Variants in WNK3 observed in about 807,000 individuals in gnomAD.
WNK3 encodes the protein WNK lysine deficient protein kinase 3.
In WNK3, 18 loss-of-function variants were observed where a neutral mutation model predicts 116.7. That is an observed-to-expected ratio of 0.15 (90% CI 0.11 to 0.23). WNK3 has a LOEUF of 0.23. Among genes scored for constraint, WNK3 ranks in the 10% least tolerant of loss-of-function variants. WNK3 has a pLI of 1.00. For synonymous variants in WNK3, 404 were observed against 469.4 expected, an observed-to-expected ratio of 0.86 and a Z score of 1.80; for missense variants, 993 against 1,323.8, an observed-to-expected ratio of 0.75 and a Z score of 3.88.
At chrX:54,234,119 A>G (rs781825451) in intron 20 of WNK3, among the ~76,000 whole-genome samples, 2 of 112,030 alleles carry the variant, frequency 1.8e-5, no homozygotes, top group Non-Finnish European at 3.8e-5. Context: ...CATGCCTATA[A>G]TCCCAGCACT....
chrX:54,276,349 AAAC>A (rs2068447203), intron 10 of WNK3, among the ~76,000 whole-genome samples: 2 of 108,319 alleles, frequency 1.8e-5, no homozygotes, highest in African/African-American at 3.5e-5. Context: ...ACAAACAAAC[AAAC>A]AAAAAAAAAC....
chrX:54,355,967 C>T (rs1395084094), intron 1 of WNK3, among the ~76,000 whole-genome samples: 2 of 111,251 alleles, frequency 1.8e-5, no homozygotes, highest in South Asian at 3.8e-4. Context: ...ATTCAAACTG[C>T]GGGTAGCCTA....
chrX:54,237,454 G>T, exon 20 of WNK3: 1 of 1,205,377 alleles, frequency 8.3e-7, no homozygotes, highest in Non-Finnish European at 1.1e-6. Flanking sequence ...TTTAATAAAG[G>T]CTTCTTCACT....
intron 22 of WNK3, among the ~76,000 whole-genome samples, chrX:54,212,904 G>C (rs888557210): frequency 9.0e-6 from 1 of 111,420 alleles, no homozygotes; most frequent in Non-Finnish European, 1.9e-5. Flanking sequence ...GTATATATAT[G>C]TTAGTATACA....
At chrX:54,213,903 C>T (rs1191225770) in intron 22 of WNK3, among the ~76,000 whole-genome samples, 7 of 110,795 alleles carry the variant, frequency 6.3e-5, no homozygotes, top group African/African-American at 2.0e-4. Context: ...CACAAACTAC[C>T]GAAACTCACC....
In WNK3 at chrX:54,308,090, ACAC is replaced by A. The variant is rs1361167588; in HGVS notation, c.932-14_932-12del. On this transcript the variant is annotated splice_polypyrimidine_tract_variant and intron_variant, in intron 4 of 23. Transcript: ENST00000354646. ...TAAACTCAGGAGTTCCTACAAAATAACACCACCACCACATTCTTATAGAAGAGA... is the reference window on the plus strand; with the variant it reads ...TAAACTCAGGAGTTCCTACAAAATAACACCACCACATTCTTATAGAAGAGA... 1 of 1,173,704 alleles carries A rather than the reference ACAC, an allele frequency of 8.5e-7. No individual in the cohort carries two copies. Among genetic ancestry groups the A allele is most frequent in the Non-Finnish European group, 1.1e-6 (1 of 873,200 alleles).
intron 1 of WNK3, among the ~76,000 whole-genome samples, chrX:54,356,616 C>A (rs2069597447): frequency 8.9e-6 from 1 of 111,764 alleles, no homozygotes; most frequent in Non-Finnish European, 1.9e-5. Context: ...CATACTAAGA[C>A]CTCTTCAAAA....
At chrX:54,334,714 C>T (rs2069212033) in intron 1 of WNK3, among the ~76,000 whole-genome samples, 1 of 111,954 alleles carries the variant, frequency 8.9e-6, no homozygotes, top group African/African-American at 3.2e-5. Context: ...ATAAGCTTGC[C>T]TTCAGATTTT....
At chrX:54,297,501 C>T (rs1288011557) in intron 7 of WNK3, among the ~76,000 whole-genome samples, 1 of 107,017 alleles carries the variant, frequency 9.3e-6, no homozygotes, top group African/African-American at 3.4e-5. Context: ...CGCTTGAACT[C>T]GGGAGGCAGA....
chrX:54,344,233 G>A (rs2069373110), intron 1 of WNK3, among the ~76,000 whole-genome samples: 1 of 111,481 alleles, frequency 9.0e-6, no homozygotes, highest in Non-Finnish European at 1.9e-5. Flanking sequence ...CACGAGGTCA[G>A]GAGATCGAGA....
chrX:54,271,756 A>G (rs1322508528), intron 10 of WNK3, among the ~76,000 whole-genome samples: 1 of 112,093 alleles, frequency 8.9e-6, no homozygotes, highest in East Asian at 2.8e-4. Context: ...AGCTCATTCA[A>G]CCAACCTCCC....
In WNK3 at chrX:54,333,749, C is replaced by A; in HGVS notation, c.-76G>T. 3 of 805,228 alleles carry A rather than the reference C, an allele frequency of 3.7e-6. No individual in the cohort carries two copies. The highest frequency in any genetic ancestry group is 5.2e-6 in the Non-Finnish European group (3 of 572,922). 66.4% of individuals were successfully genotyped at this position (805,228 alleles called of 1,213,427 possible). ...GTTACATCTCAGGTATCAGAATTAT[C>A]AGAATGGACTTCCTTTTGCGTGGTC... On this transcript the variant is annotated 5_prime_UTR_variant, in exon 2 of 24. An upstream open reading frame in the 5' UTR loses its in-frame stop. Transcript: ENST00000354646.
intron 16 of WNK3, 61 bp downstream of exon 16, chrX:54,249,933 A>G: frequency 1.8e-6 from 2 of 1,122,311 alleles, no homozygotes; most frequent in Non-Finnish European, 2.4e-6. Flanking sequence ...TAAAGATATC[A>G]TATGTATTTT....
exon 24 of WNK3, chrX:54,198,405 T>C (rs782423821): frequency 1.7e-6 from 2 of 1,209,331 alleles, no homozygotes; most frequent in African/African-American, 1.7e-5. Context: ...CTGGCTGGAA[T>C]GGTCCCCCAG....
chrX:54,273,007 A>G (rs2068400985), intron 10 of WNK3, among the ~76,000 whole-genome samples: 2 of 112,221 alleles, frequency 1.8e-5, no homozygotes, highest in South Asian at 7.4e-4. Context: ...CAAGTAATAC[A>G]TAACCTTTCA....
At position 54,283,858 on chromosome X, in the gene WNK3, C is replaced by T. The variant is rs1445684435; in HGVS notation, c.2037+9030G>A. ...CAACAGATGAAGCTGTTAGGATATT[C>T]CTAGAGGAAAAAAAAAAAAAAAGAA... On this transcript the variant is annotated intron_variant, in intron 10 of 23. Transcript: ENST00000354646. Among the ~76,000 whole-genome samples, 9 of 102,109 alleles carry T rather than the reference C, an allele frequency of 8.8e-5. No homozygotes were observed. In the East Asian group the frequency reaches 2.6e-3, roughly 30 times the overall value. 88.7% of individuals were successfully genotyped at this position (102,109 alleles called of 115,157 possible).
chrX:54,286,200 C>G (rs1388208293), intron 10 of WNK3, among the ~76,000 whole-genome samples: 3 of 97,089 alleles, frequency 3.1e-5, no homozygotes, highest in Non-Finnish European at 6.3e-5. Context: ...GGAAAACAAA[C>G]AAACAAAAAA....
chrX:54,238,218 G>C lies in WNK3; in HGVS notation c.4014+124C>G, dbSNP rs782230092. 951 of 850,954 alleles carry C rather than the reference G, an allele frequency of 1.1e-3. 2 individuals carry two copies. Among genetic ancestry groups the C allele is most frequent in the Non-Finnish European group, 1.4e-3 (906 of 633,664 alleles). 70.1% of individuals were successfully genotyped at this position (850,954 alleles called of 1,213,427 possible). The stretch of plus-strand genomic sequence containing the variant: ...ATTGCACTCCAACTGGGCAACAAGA[G>C]TGAAACTCCATCTCAAAAAAAAATA... On this transcript the variant is annotated intron_variant, in intron 19 of 23. Coordinates refer to ENST00000354646, the Ensembl canonical transcript of WNK3.
Position 54,311,288 on chromosome X carries a change from G to A in WNK3, c.541C>T (p.Arg181Ter). ...TGCTGCTCAGCTTTGGTTAACTTTCGGTCCTGAAAAGGAATAACAAGTTCC... is the reference window on the plus strand; with the variant it reads ...TGCTGCTCAGCTTTGGTTAACTTTCAGTCCTGAAAAGGAATAACAAGTTCC... Residue 181 changes from arginine to a stop codon, truncating the protein, a stop_gained, in exon 3 of 24, where the codon CGA (arginine) becomes TGA (stop). Transcript: ENST00000354646. LOFTEE classifies it high-confidence loss of function. 1 of 1,199,717 alleles carries A rather than the reference G, an allele frequency of 8.3e-7. No individual in the cohort carries two copies. Among genetic ancestry groups the A allele is most frequent in the Non-Finnish European group, 1.1e-6 (1 of 890,422 alleles).
Sources: allele counts gnomAD v4.1 joint callset (sites outside exome capture counted in the v4.1 genomes callset), GRCh38; gene constraint gnomAD v4.1.1; transcripts MANE v1.5; gene names NCBI Gene and HGNC (gene_info 2026-07-23, HGNC 2026-07-21).